The following ZNF26 variants were observed in gnomAD, a reference collection of about 807,000 sequenced individuals.
ZNF26 encodes epididymis luminal protein 179.
Under a neutral mutation model 54.9 loss-of-function variants are expected in ZNF26, and 32 were observed. The observed-to-expected ratio is 0.58, with a 90% CI of 0.44 to 0.78. The LOEUF is 0.78. Ranked by LOEUF, ZNF26 falls within the 30% of genes least tolerant of loss-of-function variation. The pLI, the probability that ZNF26 is intolerant of heterozygous loss-of-function variation, is 0.00. For missense variants in ZNF26, 524 were observed against 634.0 expected (o/e 0.83, Z 1.86); for synonymous variants, 221 against 209.2 (o/e 1.06, Z -0.49).
In ZNF26 at chr12:133,003,315, C is replaced by T. The variant is rs1593657318; in HGVS notation, c.34-3727C>T. On this transcript the variant is annotated intron_variant, in intron 1 of 3. Coordinates refer to ENST00000328654, the MANE Select transcript of ZNF26 (RefSeq NM_019591.4). ...CTGTTGCCCAGCTGGAGTGCAGTGG[C>T]GCAATCTCGGCACACTGCAAGCTCT... Among the ~76,000 whole-genome samples, 3 of 145,620 alleles carry T rather than the reference C, an allele frequency of 2.1e-5. No homozygotes were observed. In the East Asian group the frequency reaches 6.1e-4, roughly 29 times the overall value.
rs1261740796 is a variant in ZNF26, at chr12:133,021,200, C to G, written c.*9719C>G. 1 of 150,108 alleles carries G rather than the reference C, an allele frequency of 6.7e-6. No homozygotes were observed. Among genetic ancestry groups the G allele is most frequent in the African/African-American group, 2.5e-5 (1 of 40,728 alleles). 9.3% of individuals were successfully genotyped at this position (150,108 alleles called of 1,614,324 possible). On this transcript the variant is annotated 3_prime_UTR_variant, in exon 4 of 4. Coordinates refer to ENST00000328654, the MANE Select transcript of ZNF26 (RefSeq NM_019591.4). ...GTGGCACCGTGTCGGCTCACTGCAA[C>G]CTCTGCCTCCCGGGTTCAAGTGATT...
Position 133,010,566 on chromosome 12 carries a change from C to T in ZNF26, c.687C>T (p.Pro229=). Reference sequence around the variant, plus strand: ...AGAGAGTTCATACAGGAGAAAAACCCTACTCATGTAGTGAGTGCGAGAAGG... The same window carrying T: ...AGAGAGTTCATACAGGAGAAAAACCTTACTCATGTAGTGAGTGCGAGAAGG... ...AHQRVHTGEK[P]YSCSECEKVF... The change falls in exon 4 of 4, where the codon CCC becomes CCT. Residue 229 remains proline, a synonymous_variant. Transcript: ENST00000328654. 2 of 1,614,148 alleles carry T rather than the reference C, an allele frequency of 1.2e-6. No individual in the cohort carries two copies. Among genetic ancestry groups the T allele is most frequent in the Non-Finnish European group, 1.7e-6 (2 of 1,180,010 alleles).
Position 133,018,626 on chromosome 12 carries a change from A to G in ZNF26, c.*7145A>G, listed in dbSNP as rs1953598252. 1 of 152,234 alleles carries G rather than the reference A, an allele frequency of 6.6e-6. No individual in the cohort carries two copies. The highest frequency in any genetic ancestry group is 1.5e-5 in the Non-Finnish European group (1 of 68,040). The allele number at this position is 152,234 out of a possible 1,614,324, so 9.4% of individuals were successfully genotyped here. A position where few individuals can be genotyped will look rare whatever the true frequency, so the allele number is the denominator to read the frequency against. ...TAAAATACAAAAGGGAAAGCAGCAT[A>G]TGTAAATCTAACTATATCAATAATA... is the stretch of plus-strand genomic sequence containing the variant. On this transcript the variant is annotated 3_prime_UTR_variant, in exon 4 of 4. Transcript: ENST00000328654.
Position 133,022,326 on chromosome 12 carries a change from A to G in ZNF26, c.*10845A>G, listed in dbSNP as rs1953654607. ...CTATATATCAGAAAAATAATATAAA[A>G]TGGGATTTAACAAATTGAATCAATT... On this transcript the variant is annotated 3_prime_UTR_variant, in exon 4 of 4. Transcript: ENST00000328654. 2 of 152,224 alleles carry G rather than the reference A, an allele frequency of 1.3e-5. No homozygotes were observed. The highest frequency in any genetic ancestry group is 3.8e-4 in the East Asian group (2 of 5,208). The allele number at this position is 152,224 out of a possible 1,614,324, so 9.4% of individuals were successfully genotyped here.
At position 133,021,577 on chromosome 12, in the gene ZNF26, C is replaced by T. The variant is rs1953642995; in HGVS notation, c.*10096C>T. 6.6e-6 allele frequency: 1 copy of T among 151,404 alleles called. No individual in the cohort carries two copies. Among genetic ancestry groups the T allele is most frequent in the Non-Finnish European group, 1.5e-5 (1 of 67,962 alleles). 9.4% of individuals were successfully genotyped at this position (151,404 alleles called of 1,614,324 possible). A position where few individuals can be genotyped will look rare whatever the true frequency, so the allele number is the denominator to read the frequency against. On this transcript the variant is annotated 3_prime_UTR_variant, in exon 4 of 4. Coordinates refer to ENST00000328654, the MANE Select transcript of ZNF26 (RefSeq NM_019591.4). ...GGTTGGGCGTTTGAGAACAACCTGG[C>T]CAACATGGTGAAACCCCCGTCTCTA...
At position 133,001,627 on chromosome 12, in the gene ZNF26, C is replaced by T; in HGVS notation, c.34-5415C>T. 2.3e-6 allele frequency: 3 copies of T among 1,287,378 alleles called. No homozygotes were observed. The highest frequency in any genetic ancestry group is 2.1e-4 in the Middle Eastern group (1 of 4,664). 79.7% of individuals were successfully genotyped at this position (1,287,378 alleles called of 1,614,324 possible). A position where few individuals can be genotyped will look rare whatever the true frequency, so the allele number is the denominator to read the frequency against. Reference sequence around the variant, plus strand: ...GCCTCTTCCCCTGGGGTCTCCCTCCCTGCAGGTAGTGCTGCTGAGGAGGAG... The same window carrying T: ...GCCTCTTCCCCTGGGGTCTCCCTCCTTGCAGGTAGTGCTGCTGAGGAGGAG... On this transcript the variant is annotated intron_variant, in intron 1 of 3. Transcript: ENST00000328654. The surrounding 1 kb of genome is among the most constrained non-coding windows in gnomAD (Gnocchi z 4.7).
chr12:133,010,699 C>G lies in ZNF26; in HGVS notation c.820C>G (p.Leu274Val). Reference sequence around the variant, plus strand: ...AGCCTACAGTTGGAAATCACAGCTTCTTTTACACCAGAGAAGTCACACAGG... The same window carrying G: ...AGCCTACAGTTGGAAATCACAGCTTGTTTTACACCAGAGAAGTCACACAGG... Reference protein sequence around the residue: ...GKAYSWKSQLLLHQRSHTGVK... With the variant: ...GKAYSWKSQLVLHQRSHTGVK... Residue 274 changes from leucine to valine, a missense_variant, in exon 4 of 4, where the codon CTT (leucine) becomes GTT (valine). Coordinates refer to ENST00000328654, the MANE Select transcript of ZNF26 (RefSeq NM_019591.4). The G allele has an allele frequency of 6.2e-7, 1 of 1,613,408 alleles. No individual in the cohort carries two copies. The highest frequency in any genetic ancestry group is 1.3e-5 in the African/African-American group (1 of 74,932).
rs1953650033 is a variant in ZNF26, at chr12:133,022,034, C to T, written c.*10553C>T. On this transcript the variant is annotated 3_prime_UTR_variant, in exon 4 of 4. Coordinates refer to ENST00000328654, the MANE Select transcript of ZNF26 (RefSeq NM_019591.4). ...AGGAGTTTGAGACCAGTCTAGCCAACATGGTGATAGCCCCTGTTTACCAAA... is the reference window on the plus strand; with the variant it reads ...AGGAGTTTGAGACCAGTCTAGCCAATATGGTGATAGCCCCTGTTTACCAAA... 1 of 152,044 alleles carries T rather than the reference C, an allele frequency of 6.6e-6. No individual in the cohort carries two copies. Among genetic ancestry groups the T allele is most frequent in the Non-Finnish European group, 1.5e-5 (1 of 68,014 alleles). The allele number at this position is 152,044 out of a possible 1,614,324, so 9.4% of individuals were successfully genotyped here.
At position 133,002,049 on chromosome 12, in the gene ZNF26, T is replaced by C. The variant is rs1295155501; in HGVS notation, c.34-4993T>C. Among the ~76,000 whole-genome samples, 3 of 152,104 alleles carry C rather than the reference T, an allele frequency of 2.0e-5. No individual in the cohort carries two copies. The East Asian group carries it at 5.8e-4, about 29-fold the overall frequency. The stretch of plus-strand genomic sequence containing the variant: ...TCTCACGTGTTCTTAGCAAGGTCAC[T>C]TTTCTCCTTCAGTGACTCACTTCTG... On this transcript the variant is annotated intron_variant, in intron 1 of 3. Transcript: ENST00000328654.
chr12:133,008,751 G>A (rs1427196768), intron 3 of ZNF26, among the ~76,000 whole-genome samples: 2 of 147,928 alleles, frequency 1.4e-5, no homozygotes, highest in Admixed American at 6.8e-5. Flanking sequence ...ACTCCAGCCT[G>A]GGCAACAGAG....
At position 133,016,964 on chromosome 12, in the gene ZNF26, A is replaced by G. The variant is rs1413169167; in HGVS notation, c.*5483A>G. 3 of 152,168 alleles carry G rather than the reference A, an allele frequency of 2.0e-5. No individual in the cohort carries two copies. Among genetic ancestry groups the G allele is most frequent in the Non-Finnish European group, 4.4e-5 (3 of 68,030 alleles). 9.4% of individuals were successfully genotyped at this position (152,168 alleles called of 1,614,324 possible). A position where few individuals can be genotyped will look rare whatever the true frequency, so the allele number is the denominator to read the frequency against. ...AACAGTAAAAATCAGAAGACAGTAA[A>G]AGAATGTCTTCAATGTTCTGAAAGA... On this transcript the variant is annotated 3_prime_UTR_variant, in exon 4 of 4. Coordinates refer to ENST00000328654, the MANE Select transcript of ZNF26 (RefSeq NM_019591.4).
rs1020537557 is a variant in ZNF26 at position 133,014,232 on chromosome 12, C to T, written c.*2751C>T. The T allele has an allele frequency of 1.3e-5, 2 of 152,204 alleles. No individual in the cohort carries two copies. Among genetic ancestry groups the T allele is most frequent in the African/African-American group, 4.8e-5 (2 of 41,442 alleles). The allele number at this position is 152,204 out of a possible 1,614,324, so 9.4% of individuals were successfully genotyped here. The stretch of plus-strand genomic sequence containing the variant: ...CTCAGCATGACAACACCCAGGGCAA[C>T]GTGACAAAACCCTGTCTACAAAAGT... On this transcript the variant is annotated 3_prime_UTR_variant, in exon 4 of 4. Coordinates refer to ENST00000328654, the MANE Select transcript of ZNF26 (RefSeq NM_019591.4).
At chr12:133,005,942 A>G (rs1254038485) in intron 1 of ZNF26, 3 of 248,466 alleles carry the variant, frequency 1.2e-5, no homozygotes, top group African/African-American at 4.6e-5. Flanking sequence ...TGTCTGAAAT[A>G]TTTGTTGTTC....
Position 133,010,836 on chromosome 12 carries a change from T to C in ZNF26, c.957T>C (p.Cys319=), listed in dbSNP as rs1953455045. 2 of 1,614,116 alleles carry C rather than the reference T, an allele frequency of 1.2e-6. No individual in the cohort carries two copies. The highest frequency in any genetic ancestry group is 2.7e-5 in the African/African-American group (2 of 75,044). Residue 319 remains cysteine, a synonymous_variant, in exon 4 of 4, where the codon TGT becomes TGC. Transcript: ENST00000328654. ...TGVKPHKCSE[C]GKAFRSKSYL... is the part of the protein sequence containing the mutation. Reference sequence around the variant, plus strand: ...TGAAACCCCATAAATGCAGTGAATGTGGGAAAGCCTTTAGGAGTAAGTCCT... The same window carrying C: ...TGAAACCCCATAAATGCAGTGAATGCGGGAAAGCCTTTAGGAGTAAGTCCT...
intron 3 of ZNF26, among the ~76,000 whole-genome samples, chr12:133,008,603 C>T (rs1040624123): frequency 7.9e-5 from 12 of 151,934 alleles, no homozygotes; most frequent in African/African-American, 2.7e-4. Context: ...GGTGAAACCC[C>T]GTCTCTACTA....
chr12:133,019,085 T>A lies in ZNF26; in HGVS notation c.*7604T>A, dbSNP rs1953604356. ...TAATAAATCTCCAGTGGCTTTCTAA[T>A]ATCAGACACAATAGAGTTTAAAACA... is the stretch of plus-strand genomic sequence containing the variant. On this transcript the variant is annotated 3_prime_UTR_variant, in exon 4 of 4. Transcript: ENST00000328654. 2 of 152,292 alleles carry A rather than the reference T, an allele frequency of 1.3e-5. No homozygotes were observed. The highest frequency in any genetic ancestry group is 4.1e-4 in the South Asian group (2 of 4,830). 9.4% of individuals were successfully genotyped at this position (152,292 alleles called of 1,614,324 possible).
intron 1 of ZNF26, among the ~76,000 whole-genome samples, chr12:132,994,210 G>A (rs1313050187): frequency 6.6e-6 from 1 of 152,294 alleles, no homozygotes; most frequent in South Asian, 2.1e-4. Flanking sequence ...TTTGTCAGTT[G>A]CAGTTCAGGT....
At chr12:133,006,921 G>A in intron 1 of ZNF26, 121 bp from the exon 2 acceptor site, 2 of 1,265,280 alleles carry the variant, frequency 1.6e-6, no homozygotes, top group Non-Finnish European at 2.3e-6. Flanking sequence ...CAAAGTAAAT[G>A]CTGAACCAGC....
At position 133,016,377 on chromosome 12, in the gene ZNF26, C is replaced by T. The variant is rs1245839645; in HGVS notation, c.*4896C>T. 6.7e-6 allele frequency: 1 copy of T among 149,364 alleles called. No homozygotes were observed. The highest frequency in any genetic ancestry group is 2.0e-4 in the East Asian group (1 of 5,076). 9.3% of individuals were successfully genotyped at this position (149,364 alleles called of 1,614,324 possible). A position where few individuals can be genotyped will look rare whatever the true frequency, so the allele number is the denominator to read the frequency against. ...CATGAGCCATCGTACCCGGCCAGAGCATCCTTAATTTTTAAAAACAATTTA... is the reference window on the plus strand; with the variant it reads ...CATGAGCCATCGTACCCGGCCAGAGTATCCTTAATTTTTAAAAACAATTTA... On this transcript the variant is annotated 3_prime_UTR_variant, in exon 4 of 4. Coordinates refer to ENST00000328654, the MANE Select transcript of ZNF26 (RefSeq NM_019591.4).
Sources: gnomAD v4.1 joint callset for allele counts (sites outside exome capture counted in the v4.1 genomes callset) on GRCh38, gnomAD v4.1.1 for gene constraint, Gnocchi (gnomAD v3.1) non-coding constraint, MANE v1.5 for transcripts, NCBI Gene and HGNC (gene_info 2026-07-23, HGNC 2026-07-21) for gene names.